PCDH11X: variants seen among roughly 807,000 people sequenced by gnomAD.
The protein encoded by PCDH11X is protocadherin-11 X-linked.
PCDH11X carries 18 observed loss-of-function variants against 53.3 expected under a neutral mutation model. The observed-to-expected ratio is 0.34, with a 90% CI of 0.23 to 0.50. The LOEUF (loss-of-function observed/expected upper bound fraction) is 0.50. Among genes scored for constraint, PCDH11X ranks in the 20% least tolerant of loss-of-function variants. The pLI is 0.98. For missense variants in PCDH11X, 570 were observed against 1,032.4 expected (o/e 0.55, Z 6.14); for synonymous variants, 279 against 393.3 (o/e 0.71, Z 3.44).
intron 6 of PCDH11X, among the ~76,000 whole-genome samples, chrX:91,978,677 C>T (rs917254070): frequency 3.6e-5 from 4 of 111,266 alleles, no homozygotes; most frequent in Non-Finnish European, 7.6e-5. Context: ...ATCTCTTCCT[C>T]TTGTCCACTC....
intron 8 of PCDH11X, among the ~76,000 whole-genome samples, chrX:92,266,337 A>T (rs1459574759): frequency 1.8e-5 from 2 of 111,920 alleles, no homozygotes; most frequent in Non-Finnish European, 3.8e-5. Context: ...CGCATTTGTA[A>T]AAAAGTAAGG....
At chrX:92,084,970 A>G (rs2563045) in intron 6 of PCDH11X, among the ~76,000 whole-genome samples, 29,830 of 104,669 alleles carry the variant, frequency 0.28, 4,724 homozygotes, top group African/African-American at 0.57. Flanking sequence ...ACTTAAAACT[A>G]TTGGAAAAAA....
At chrX:92,549,237 T>C (rs2074913525) in intron 10 of PCDH11X, among the ~76,000 whole-genome samples, 1 of 108,052 alleles carries the variant, frequency 9.3e-6, no homozygotes, top group East Asian at 2.9e-4. Flanking sequence ...ACTTTGCTTT[T>C]CTAACTTAAA....
intron 8 of PCDH11X, among the ~76,000 whole-genome samples, chrX:92,361,402 A>G (rs1301654878): frequency 1.8e-5 from 2 of 111,403 alleles, no homozygotes; most frequent in Non-Finnish European, 3.8e-5. Flanking sequence ...CCTCCAAACA[A>G]TTTAAAAGAT....
rs1255077793 is a variant in PCDH11X at position 92,452,491 on chromosome X, A to G, written c.3344-15808A>G. Among the ~76,000 whole-genome samples, 6 of 53,562 alleles carry G rather than the reference A, an allele frequency of 1.1e-4. 1 individual carries two copies. In the Admixed American group the frequency reaches 1.2e-3, roughly 11 times the overall value. 46.5% of individuals were successfully genotyped at this position (53,562 alleles called of 115,157 possible). ...TATATATATATATATATATATATAT[A>G]TATATATGTTTTTTTTTTTTTTTTT... On this transcript the variant is annotated intron_variant, in intron 9 of 10. Transcript: ENST00000682573.
At chrX:92,523,452 G>A (rs1052492124) in intron 10 of PCDH11X, among the ~76,000 whole-genome samples, 1 of 112,042 alleles carries the variant, frequency 8.9e-6, no homozygotes, top group Non-Finnish European at 1.9e-5. Context: ...CAAGAGTAAC[G>A]TTAGACATCG....
intron 6 of PCDH11X, among the ~76,000 whole-genome samples, chrX:92,170,268 A>G (rs2065801297): frequency 9.1e-6 from 1 of 110,319 alleles, no homozygotes; most frequent in Non-Finnish European, 1.9e-5. Flanking sequence ...TTTAAGGGAA[A>G]ATATTAATTT....
intron 10 of PCDH11X, among the ~76,000 whole-genome samples, chrX:92,512,774 G>A (rs1382845335): frequency 9.0e-6 from 1 of 111,430 alleles, no homozygotes; most frequent in Non-Finnish European, 1.9e-5. Context: ...AAAGTAGAAG[G>A]CAACATCATG....
intron 8 of PCDH11X, among the ~76,000 whole-genome samples, chrX:92,350,827 A>G (rs762065086): frequency 1.8e-5 from 2 of 111,613 alleles, no homozygotes; most frequent in African/African-American, 6.5e-5. Flanking sequence ...GTGCATAAAA[A>G]TTGCAGACCT....
chrX:92,257,409 AAAT>A (rs2067617048), intron 7 of PCDH11X, among the ~76,000 whole-genome samples: 1 of 111,204 alleles, frequency 9.0e-6, no homozygotes, highest in Non-Finnish European at 1.9e-5. Context: ...TTTCAAAATA[AAAT>A]CATGCTTCCC....
chrX:92,381,070 A>G (rs1371775801), intron 8 of PCDH11X, among the ~76,000 whole-genome samples: 2 of 98,027 alleles, frequency 2.0e-5, no homozygotes, highest in Non-Finnish European at 4.1e-5. Context: ...CAGCAACACT[A>G]CAGATATTAG....
intron 9 of PCDH11X, among the ~76,000 whole-genome samples, chrX:92,464,046 G>A (rs900583987): frequency 7.2e-5 from 8 of 111,497 alleles, no homozygotes; most frequent in Non-Finnish European, 1.5e-4. Flanking sequence ...TATGACTTTC[G>A]CTGTTGTCAA....
At chrX:92,111,489 A>G (rs966323830) in intron 6 of PCDH11X, among the ~76,000 whole-genome samples, 1 of 93,120 alleles carries the variant, frequency 1.1e-5, no homozygotes, top group African/African-American at 5.1e-5. Context: ...ATTTCCTCAA[A>G]TTAATATTTC....
rs757634601 is a variant in PCDH11X at position 92,363,330 on chromosome X, G to A, written c.3145-24405G>A. 6.3e-5 allele frequency among the ~76,000 whole-genome samples: 7 copies of A among 111,199 alleles called. No homozygotes were observed. In the South Asian group the frequency reaches 1.9e-3, roughly 30 times the overall value. On this transcript the variant is annotated intron_variant, in intron 8 of 10. Coordinates refer to ENST00000682573, the MANE Select transcript of PCDH11X (RefSeq NM_032968.5). ...TTTGTGTGTTCTTTCATCTGTTTCA[G>A]CAAAATTTTGTAGTTTTCAGCGTAT...
At position 92,618,831 on chromosome X, in the gene PCDH11X, A is replaced by G. The variant is rs768664912; in HGVS notation, c.3935A>G (p.His1312Arg). 1.3e-5 allele frequency: 16 copies of G among 1,211,933 alleles called. No individual in the cohort carries two copies. The Admixed American group carries it at 2.8e-4, about 21-fold the overall frequency. ...TTTTACACCATGTCTGAAAGACTTCATCCCAGTGATGATTCAATTAAAGTC... is the reference window on the plus strand; with the variant it reads ...TTTTACACCATGTCTGAAAGACTTCGTCCCAGTGATGATTCAATTAAAGTC... ...SQFYTMSERL[H>R]PSDDSIKVIP... Residue 1312 changes from histidine to arginine, a missense_variant, in exon 11 of 11, where the codon CAT becomes CGT. Coordinates refer to ENST00000682573, the MANE Select transcript of PCDH11X (RefSeq NM_032968.5).
At chrX:91,824,957 G>A (rs1243539718) in intron 4 of PCDH11X, among the ~76,000 whole-genome samples, 2 of 109,090 alleles carry the variant, frequency 1.8e-5, no homozygotes, top group African/African-American at 3.5e-5. Context: ...GTGTGCCCCT[G>A]CTGGGGGGTG....
At chrX:92,272,902 C>A (rs12556339) in intron 8 of PCDH11X, among the ~76,000 whole-genome samples, 3,713 of 112,403 alleles carry the variant, frequency 0.033, 117 homozygotes, top group East Asian at 0.27. Context: ...TAATAACCTA[C>A]TATAGAATAT....
At chrX:92,447,872 C>A (rs1391280107) in intron 9 of PCDH11X, among the ~76,000 whole-genome samples, 1 of 112,378 alleles carries the variant, frequency 8.9e-6, no homozygotes, top group Non-Finnish European at 1.9e-5. Context: ...AGAGGTGGAG[C>A]TGCTGAAGAT....
intron 6 of PCDH11X, among the ~76,000 whole-genome samples, chrX:92,194,129 T>C (rs904157151): frequency 2.7e-5 from 3 of 111,781 alleles, no homozygotes; most frequent in Non-Finnish European, 5.6e-5. Context: ...TTGTGTTTTG[T>C]CTTTATTTGG....
Sources: allele counts gnomAD v4.1 joint callset (sites outside exome capture counted in the v4.1 genomes callset), GRCh38; gene constraint gnomAD v4.1.1; transcripts MANE v1.5; gene names NCBI Gene and HGNC (gene_info 2026-07-23, HGNC 2026-07-21).